Variants in PCDH15 observed in about 807,000 individuals in gnomAD.
The protein encoded by PCDH15 is protocadherin related 15.
PCDH15 carries 129 observed loss-of-function variants against 178.5 expected under a neutral mutation model. The ratio of observed to expected loss-of-function variants is 0.72; its 90% CI spans 0.63 to 0.84. PCDH15 has a LOEUF of 0.84. Among genes scored for constraint, PCDH15 ranks in the 40% least tolerant of loss-of-function variants. The pLI, the probability that PCDH15 is intolerant of heterozygous loss-of-function variation, is 0.00. For synonymous variants in PCDH15, 800 were observed against 732.0 expected, an observed-to-expected ratio of 1.09 and a Z score of -1.50; for missense variants, 2,230 against 2,099.9, an observed-to-expected ratio of 1.06 and a Z score of -1.21.
chr10:54,494,727 C>G (rs1022439891), intron 3 of PCDH15, among the ~76,000 whole-genome samples: 1 of 152,108 alleles, frequency 6.6e-6, no homozygotes, highest in East Asian at 1.9e-4. Flanking sequence ...TTAATAGTCC[C>G]TTTCTTCACC....
chr10:54,006,696 C>T (rs1346500793), intron 20 of PCDH15, among the ~76,000 whole-genome samples: 1 of 152,108 alleles, frequency 6.6e-6, no homozygotes, highest in Non-Finnish European at 1.5e-5. Flanking sequence ...TCTAGAAAAG[C>T]TATCCTTTTT....
intron 13 of PCDH15, among the ~76,000 whole-genome samples, chr10:54,155,356 T>C (rs913937444): frequency 1.3e-5 from 2 of 152,210 alleles, no homozygotes; most frequent in South Asian, 2.1e-4. Context: ...ATTGCAGAGA[T>C]AGTCAACCAC....
At chr10:55,012,553 C>T (rs1840069500) in intron 2 of PCDH15, among the ~76,000 whole-genome samples, 1 of 152,078 alleles carries the variant, frequency 6.6e-6, no homozygotes, top group African/African-American at 2.4e-5. Context: ...AAACATTCCA[C>T]ATCAAGGTCA....
chr10:55,253,252 G>A (rs866526078), intron 1 of PCDH15, among the ~76,000 whole-genome samples: 126 of 34,500 alleles, frequency 3.7e-3, no homozygotes, highest in African/African-American at 9.3e-3. Context: ...GTGTGTGCGT[G>A]TGTGTGTGTG....
At chr10:54,721,660 A>T (rs1003416620) in intron 1 of PCDH15, among the ~76,000 whole-genome samples, 1 of 151,902 alleles carries the variant, frequency 6.6e-6, no homozygotes, top group Non-Finnish European at 1.5e-5. Context: ...ACTTCCCAAG[A>T]TTGAAGTAGG....
At chr10:55,414,391 C>T (rs1462802447) in intron 2 of PCDH15, among the ~76,000 whole-genome samples, 1 of 151,544 alleles carries the variant, frequency 6.6e-6, no homozygotes, top group African/African-American at 2.4e-5. Context: ...TTTCACCCAT[C>T]AGTTCTATTT....
At chr10:55,547,250 A>G (rs979053338) in intron 2 of PCDH15, among the ~76,000 whole-genome samples, 2 of 152,176 alleles carry the variant, frequency 1.3e-5, no homozygotes, top group East Asian at 1.9e-4. Context: ...GTTATTACAG[A>G]TATCAATGAT....
intron 9 of PCDH15, among the ~76,000 whole-genome samples, chr10:54,217,736 T>C (rs552590609): frequency 3.3e-5 from 5 of 152,310 alleles, no homozygotes; most frequent in Non-Finnish European, 7.4e-5. Flanking sequence ...GTTCAGACTA[T>C]GGTTTTGAAA....
At position 54,100,836 on chromosome 10, in the gene PCDH15, AT is replaced by A. The variant is rs979482578; in HGVS notation, c.1918-10774del. 2.8e-3 allele frequency among the ~76,000 whole-genome samples: 415 copies of A among 146,052 alleles called. 1 individual carries two copies. Among genetic ancestry groups the A allele is most frequent in the African/African-American group, 6.7e-3 (269 of 39,928 alleles). ...CGGCAACCACTTAAGGTGGGGGGGG[AT>A]TTTTTTTTTTCCTATTCTTAGATAC... On this transcript the variant is annotated intron_variant, in intron 15 of 37. Transcript: ENST00000644397.
intron 2 of PCDH15, among the ~76,000 whole-genome samples, chr10:54,609,436 C>T (rs2092887748): frequency 1.3e-5 from 2 of 151,982 alleles, no homozygotes; most frequent in African/African-American, 4.8e-5. Context: ...ATAAAAAATG[C>T]AGCTATCTAA....
intron 2 of PCDH15, among the ~76,000 whole-genome samples, chr10:54,922,952 C>T (rs1837531553): frequency 1.3e-5 from 2 of 152,272 alleles, no homozygotes; most frequent in East Asian, 3.9e-4. Flanking sequence ...CGCTCCAACC[C>T]CATATTTCCT....
chr10:54,436,759 C>T (rs2075449257), intron 3 of PCDH15, among the ~76,000 whole-genome samples: 1 of 152,048 alleles, frequency 6.6e-6, no homozygotes, highest in Admixed American at 6.6e-5. Context: ...CTACTAAAGT[C>T]TAGAAACTTT....
chr10:53,986,178 C>T (rs369392676), intron 21 of PCDH15, among the ~76,000 whole-genome samples: 1 of 151,746 alleles, frequency 6.6e-6, no homozygotes, highest in Non-Finnish European at 1.5e-5. Flanking sequence ...AAAAAAACAA[C>T]AACATACACA....
At chr10:54,811,657 G>T (rs533971665) in intron 3 of PCDH15, among the ~76,000 whole-genome samples, 2 of 152,128 alleles carry the variant, frequency 1.3e-5, no homozygotes, top group South Asian at 4.1e-4. Flanking sequence ...TTTTAGTAGA[G>T]ACGGGGTTTC....
intron 2 of PCDH15, among the ~76,000 whole-genome samples, chr10:55,540,188 G>T (rs937179477): frequency 6.6e-6 from 1 of 151,932 alleles, no homozygotes; most frequent in African/African-American, 2.4e-5. Flanking sequence ...CCTTCTGTGA[G>T]ATTCGCTTTT....
intron 1 of PCDH15, among the ~76,000 whole-genome samples, chr10:55,258,527 C>T (rs966296637): frequency 1.3e-5 from 2 of 152,042 alleles, no homozygotes. Flanking sequence ...TCTTTTTCTG[C>T]CTTATACCCC....
chr10:55,113,415 A>G (rs1057110016), intron 2 of PCDH15, among the ~76,000 whole-genome samples: 1 of 141,442 alleles, frequency 7.1e-6, no homozygotes, highest in Non-Finnish European at 1.6e-5. Context: ...GTTCCATGCT[A>G]AAAAAAAAAA....
intron 1 of PCDH15, among the ~76,000 whole-genome samples, chr10:54,749,393 A>T (rs1278492028): frequency 2.0e-5 from 3 of 152,168 alleles, no homozygotes; most frequent in Non-Finnish European, 4.4e-5. Context: ...CATTAACACT[A>T]GGGAGCATAT....
intron 28 of PCDH15, among the ~76,000 whole-genome samples, chr10:53,854,076 T>C (rs2078569854): frequency 6.6e-6 from 1 of 151,988 alleles, no homozygotes; most frequent in African/African-American, 2.4e-5. Context: ...TTCAGCTCTA[T>C]AAAGGAATGA....
Sources: gnomAD v4.1 joint callset for allele counts (sites outside exome capture counted in the v4.1 genomes callset) on GRCh38, gnomAD v4.1.1 for gene constraint, MANE v1.5 for transcripts, NCBI Gene and HGNC (gene_info 2026-07-23, HGNC 2026-07-21) for gene names.